Variants in CDC123 observed in about 807,000 individuals in gnomAD.
CDC123 encodes the protein cell division cycle 123.
A neutral mutation model predicts 54.4 loss-of-function variants in CDC123; 37 were observed. That is an observed-to-expected ratio of 0.68 (90% confidence interval 0.52 to 0.89). The LOEUF is 0.89. CDC123 is among the 40% of genes least tolerant of loss of function. CDC123 has a pLI of 0.00. For synonymous variants in CDC123, 144 were observed against 136.8 expected (o/e 1.05, Z -0.37); for missense variants, 361 against 412.1 (o/e 0.88, Z 1.07).
chr10:12,214,104 A>G (rs1835635547), intron 4 of CDC123, among the ~76,000 whole-genome samples: 2 of 152,130 alleles, frequency 1.3e-5, no homozygotes, highest in South Asian at 4.1e-4. Flanking sequence ...AGGTTATCCT[A>G]AAGTTGAATA....
chr10:12,204,148 A>C (rs1835482667), intron 2 of CDC123, among the ~76,000 whole-genome samples: 1 of 151,568 alleles, frequency 6.6e-6, no homozygotes, highest in Non-Finnish European at 1.5e-5. Context: ...TTTGGGGTTT[A>C]ATTAATCACT....
At chr10:12,233,871 G>C (rs967067018) in intron 7 of CDC123, among the ~76,000 whole-genome samples, 4 of 151,734 alleles carry the variant, frequency 2.6e-5, no homozygotes, top group African/African-American at 9.7e-5. Flanking sequence ...TAGTATATGA[G>C]AGTTTATATC....
At chr10:12,207,294 A>G (rs1303087030) in intron 2 of CDC123, among the ~76,000 whole-genome samples, 2 of 151,986 alleles carry the variant, frequency 1.3e-5, no homozygotes, top group African/African-American at 2.4e-5. Context: ...TTCAACTATC[A>G]TGTTTTCAGT....
chr10:12,205,364 A>G (rs1835504111), intron 2 of CDC123, among the ~76,000 whole-genome samples: 1 of 152,198 alleles, frequency 6.6e-6, no homozygotes, highest in Admixed American at 6.5e-5. Flanking sequence ...GCTATTGTAA[A>G]CAGTGCTGCA....
At chr10:12,200,119 C>CCTTT (rs1564431631) in intron 2 of CDC123, among the ~76,000 whole-genome samples, 6 of 24,284 alleles carry the variant, frequency 2.5e-4, no homozygotes, top group African/African-American at 5.7e-4. Flanking sequence ...CCGCACTCGG[C>CCTTT]ATTTTTTTTT....
intron 12 of CDC123, 144 bp from the exon 13 acceptor site, chr10:12,250,167 A>T: frequency 1.9e-6 from 1 of 525,284 alleles, no homozygotes; most frequent in Non-Finnish European, 3.4e-6. Flanking sequence ...CAAAGTGATA[A>T]ACTAGTTTAA....
chr10:12,249,454 C>A (rs1378102093), intron 11 of CDC123, 127 bp from the exon 12 acceptor site: 1 of 972,686 alleles, frequency 1.0e-6, no homozygotes. Context: ...AAGCATCTTC[C>A]TTTCTCCTCA....
chr10:12,199,331 G>C (rs192948895), intron 2 of CDC123, among the ~76,000 whole-genome samples: 2 of 152,104 alleles, frequency 1.3e-5, no homozygotes, highest in Non-Finnish European at 2.9e-5. Context: ...TTTTTAATTC[G>C]AGTCTGCTCA....
At chr10:12,231,823 A>G (rs1015121662) in intron 7 of CDC123, among the ~76,000 whole-genome samples, 14 of 151,978 alleles carry the variant, frequency 9.2e-5, no homozygotes, top group African/African-American at 3.1e-4. Context: ...ACTGTCATGA[A>G]TGGATCTGAA....
intron 6 of CDC123, among the ~76,000 whole-genome samples, chr10:12,222,652 T>G (rs1835752751): frequency 6.6e-6 from 1 of 152,226 alleles, no homozygotes; most frequent in Non-Finnish European, 1.5e-5. Flanking sequence ...AAAAAAGGGC[T>G]GAGTGAAAAA....
chr10:12,196,380 A>C, intron 1 of CDC123, 61 bp downstream of exon 1: 1 of 1,609,276 alleles, frequency 6.2e-7, no homozygotes, highest in Non-Finnish European at 8.5e-7. Context: ...TTCTGAGCGA[A>C]TCTTACTGCT....
intron 5 of CDC123, among the ~76,000 whole-genome samples, chr10:12,216,797 G>A (rs1431364255): frequency 6.6e-6 from 1 of 152,138 alleles, no homozygotes. Context: ...TGAGCTTTGT[G>A]CCTGCTTTGC....
chr10:12,218,385 A>G (rs1334747210), intron 6 of CDC123, among the ~76,000 whole-genome samples: 1 of 151,514 alleles, frequency 6.6e-6, no homozygotes, highest in African/African-American at 2.4e-5. Flanking sequence ...GACTACAGGC[A>G]TGCACCACCA....
intron 7 of CDC123, 143 bp downstream of exon 7, chr10:12,231,139 A>G: frequency 1.5e-6 from 1 of 655,166 alleles, no homozygotes; most frequent in Non-Finnish European, 2.6e-6. Flanking sequence ...AATTTATGAA[A>G]TATACACATA....
chr10:12,224,761 G>A (rs1260402360), intron 6 of CDC123, among the ~76,000 whole-genome samples: 2 of 152,140 alleles, frequency 1.3e-5, no homozygotes, highest in Non-Finnish European at 1.5e-5. Flanking sequence ...AAAATTTGGG[G>A]AATATTTTGT....
chr10:12,212,513 C>G (rs1006338512), intron 4 of CDC123, among the ~76,000 whole-genome samples: 2 of 152,194 alleles, frequency 1.3e-5, no homozygotes, highest in African/African-American at 4.8e-5. Context: ...AATTCCAAAA[C>G]TTTTTAAAAA....
At position 12,226,809 on chromosome 10, in the gene CDC123, C is replaced by T. The variant is rs1235433221; in HGVS notation, c.441-4139C>T. Among the ~76,000 whole-genome samples, 12 of 149,768 alleles carry T rather than the reference C, an allele frequency of 8.0e-5. No individual in the cohort carries two copies. The East Asian group carries it at 1.8e-3, about 23-fold the overall frequency. ...GCAGAGGGGCTCCTCACATCCCAGACGATGGGCGGCCAGGCAGAGACGCTC... is the reference window on the plus strand; with the variant it reads ...GCAGAGGGGCTCCTCACATCCCAGATGATGGGCGGCCAGGCAGAGACGCTC... On this transcript the variant is annotated intron_variant, in intron 6 of 12. Coordinates refer to ENST00000281141, the MANE Select transcript of CDC123 (RefSeq NM_006023.3).
At chr10:12,215,871 T>A (rs1171266683) in intron 5 of CDC123, 36 bp downstream of exon 5, 2 of 1,364,778 alleles carry the variant, frequency 1.5e-6, no homozygotes, top group Non-Finnish European at 2.0e-6. Flanking sequence ...ACTGTTTGAA[T>A]ATTCTTTGTT....
chr10:12,199,558 A>G (rs148076303), intron 2 of CDC123, among the ~76,000 whole-genome samples: 2 of 152,344 alleles, frequency 1.3e-5, no homozygotes, highest in African/African-American at 4.8e-5. Context: ...GAAGTGCTTG[A>G]TAAACATTTG....
Sources: allele counts gnomAD v4.1 joint callset (sites outside exome capture counted in the v4.1 genomes callset), GRCh38; gene constraint gnomAD v4.1.1; transcripts MANE v1.5; gene names NCBI Gene and HGNC (gene_info 2026-07-23, HGNC 2026-07-21).